The following MAP4K3 variants were observed in gnomAD, a reference collection of about 807,000 sequenced individuals.
The protein encoded by MAP4K3 is mitogen-activated protein kinase kinase kinase kinase 3.
MAP4K3 carries 94 observed loss-of-function variants against 143.5 expected under a neutral mutation model. The ratio of observed to expected loss-of-function variants is 0.65; its 90% CI spans 0.55 to 0.78. The LOEUF (loss-of-function observed/expected upper bound fraction) is 0.78. Among genes scored for constraint, MAP4K3 ranks in the 30% least tolerant of loss-of-function variants. MAP4K3 has a pLI of 0.00. For synonymous variants in MAP4K3, 416 were observed against 347.2 expected (o/e 1.20, Z -2.20); for missense variants, 1,077 against 1,068.1 (o/e 1.01, Z -0.12).
chr2:39,270,158 G>C (rs1680952314), intron 26 of MAP4K3, among the ~76,000 whole-genome samples: 1 of 152,154 alleles, frequency 6.6e-6, no homozygotes, highest in South Asian at 2.1e-4. Flanking sequence ...GCCAAGTTCT[G>C]AAAGACCATA....
chr2:39,345,120 C>A (rs1482441091), intron 3 of MAP4K3, among the ~76,000 whole-genome samples: 2 of 152,118 alleles, frequency 1.3e-5, no homozygotes, highest in African/African-American at 4.8e-5. Context: ...CACCTGTAAT[C>A]TCAGTAACAC....
At chr2:39,385,192 A>G (rs973363227) in intron 1 of MAP4K3, among the ~76,000 whole-genome samples, 4 of 152,188 alleles carry the variant, frequency 2.6e-5, no homozygotes, top group Non-Finnish European at 4.4e-5. Context: ...CAGGGTAGAT[A>G]AATACCCAGG....
intron 19 of MAP4K3, among the ~76,000 whole-genome samples, chr2:39,289,359 A>G (rs554740745): frequency 1.8e-4 from 28 of 152,296 alleles, no homozygotes; most frequent in Non-Finnish European, 2.9e-4. Flanking sequence ...GAATGACAAG[A>G]CTGATAAGAC....
chr2:39,362,244 A>G (rs1208137461), intron 2 of MAP4K3, among the ~76,000 whole-genome samples: 1 of 152,196 alleles, frequency 6.6e-6, no homozygotes, highest in Non-Finnish European at 1.5e-5. Flanking sequence ...TCCTTTGGCC[A>G]GAAACAAGAA....
intron 17 of MAP4K3, 68 bp from the exon 18 acceptor site, chr2:39,292,894 A>G: frequency 7.8e-7 from 1 of 1,279,826 alleles, no homozygotes; most frequent in Non-Finnish European, 1.1e-6. Flanking sequence ...GAAATTTTAG[A>G]AAATGCAGGA....
chr2:39,409,221 T>C (rs926957678), intron 1 of MAP4K3, among the ~76,000 whole-genome samples: 1 of 152,220 alleles, frequency 6.6e-6, no homozygotes, highest in African/African-American at 2.4e-5. Context: ...GCTTACTATA[T>C]TGTAAGAATA....
chr2:39,278,274 AAAAACAAAAC>A (rs1252279617), intron 24 of MAP4K3, 123 bp downstream of exon 24: 3 of 565,848 alleles, frequency 5.3e-6, no homozygotes, highest in Non-Finnish European at 6.1e-6. Context: ...CTTGGTCTCA[AAAAACAAAAC>A]AAAACAAAAC....
chr2:39,331,341 T>C (rs1300936238), intron 8 of MAP4K3, among the ~76,000 whole-genome samples: 1 of 152,002 alleles, frequency 6.6e-6, no homozygotes, highest in Non-Finnish European at 1.5e-5. Context: ...AATATGCGAG[T>C]AGGATAGTTT....
intron 2 of MAP4K3, among the ~76,000 whole-genome samples, chr2:39,359,149 T>C (rs532810664): frequency 3.2e-4 from 48 of 152,232 alleles, no homozygotes; most frequent in African/African-American, 1.1e-3. Context: ...GGTACAGGCA[T>C]TGGGTAAATA....
intron 12 of MAP4K3, 72 bp downstream of exon 12, chr2:39,325,446 G>T: frequency 1.0e-6 from 1 of 986,734 alleles, no homozygotes; most frequent in Non-Finnish European, 1.5e-6. Flanking sequence ...ATTTTGAGAC[G>T]TACATACAGA....
chr2:39,288,346 T>A, intron 19 of MAP4K3, 66 bp from the exon 20 acceptor site: 3 of 1,419,260 alleles, frequency 2.1e-6, no homozygotes, highest in Non-Finnish European at 2.9e-6. Context: ...GTAAGTACTA[T>A]TATACATTAA....
intron 1 of MAP4K3, among the ~76,000 whole-genome samples, chr2:39,379,980 C>T (rs1218663444): frequency 6.6e-6 from 1 of 152,074 alleles, no homozygotes; most frequent in Non-Finnish European, 1.5e-5. Context: ...AAAATTATGA[C>T]ACTAACTACT....
At chr2:39,395,224 T>C (rs903625206) in intron 1 of MAP4K3, among the ~76,000 whole-genome samples, 4 of 152,166 alleles carry the variant, frequency 2.6e-5, no homozygotes, top group African/African-American at 9.7e-5. Context: ...GGCTCTGTTG[T>C]ATAAAAATTA....
At chr2:39,414,102 G>C (rs1472969873) in intron 1 of MAP4K3, among the ~76,000 whole-genome samples, 1 of 152,108 alleles carries the variant, frequency 6.6e-6, no homozygotes, top group African/African-American at 2.4e-5. Context: ...GTTCCTCTCT[G>C]TCTTGATACT....
chr2:39,292,583 A>G (rs1361415391), intron 18 of MAP4K3, among the ~76,000 whole-genome samples, 190 bp downstream of exon 18: 1 of 152,194 alleles, frequency 6.6e-6, no homozygotes, highest in Non-Finnish European at 1.5e-5. Context: ...TCTGTTGTCT[A>G]AGTCTATGGT....
At chr2:39,371,723 C>A (rs1048433719) in intron 2 of MAP4K3, among the ~76,000 whole-genome samples, 1 of 151,740 alleles carries the variant, frequency 6.6e-6, no homozygotes, top group Non-Finnish European at 1.5e-5. Flanking sequence ...AAGAAAAGAA[C>A]AGGAGTAGCT....
In MAP4K3 at chr2:39,336,943, CT is replaced by C; in HGVS notation, c.390del (p.Gly131GlufsTer7). On this transcript the variant is annotated frameshift_variant, in exon 6 of 34. Transcript: ENST00000263881. LOFTEE classifies it high-confidence loss of function. ...TLQGLYYLHS[K>X]GKMHRDIKGA... is the part of the protein sequence containing the mutation. Reference sequence around the variant, plus strand: ...ACCTTTATATCTCTGTGCATTTTTCCTTTACTGTGAAGATAATATAATCCCT... The same window carrying C: ...ACCTTTATATCTCTGTGCATTTTTCCTTACTGTGAAGATAATATAATCCCT... 7.5e-7 allele frequency: 1 copy of C among 1,324,890 alleles called. No homozygotes were observed. Among genetic ancestry groups the C allele is most frequent in the Non-Finnish European group, 1.1e-6 (1 of 948,752 alleles). 82.1% of individuals were successfully genotyped at this position (1,324,890 alleles called of 1,614,324 possible).
intron 1 of MAP4K3, among the ~76,000 whole-genome samples, chr2:39,382,136 GA>G (rs1666370235): frequency 6.6e-6 from 1 of 152,170 alleles, no homozygotes; most frequent in African/African-American, 2.4e-5. Flanking sequence ...GTTTTGGAAA[GA>G]ATTTTTCTGA....
At chr2:39,285,563 T>C (rs1681734850) in intron 21 of MAP4K3, among the ~76,000 whole-genome samples, 1 of 152,218 alleles carries the variant, frequency 6.6e-6, no homozygotes, top group South Asian at 2.1e-4. Flanking sequence ...GAAATTACAA[T>C]GAATAACACC....
Sources: gnomAD v4.1 joint callset for allele counts (sites outside exome capture counted in the v4.1 genomes callset) on GRCh38, gnomAD v4.1.1 for gene constraint, MANE v1.5 for transcripts, NCBI Gene and HGNC (gene_info 2026-07-23, HGNC 2026-07-21) for gene names.